PCDH7: variants seen among roughly 807,000 people sequenced by gnomAD.
PCDH7 encodes the protein protocadherin-7.
A neutral mutation model predicts 58.9 loss-of-function variants in PCDH7; 17 were observed. That is an observed-to-expected ratio of 0.29 (90% CI 0.20 to 0.43). PCDH7 has a LOEUF of 0.43. Among genes scored for constraint, PCDH7 ranks in the 20% least tolerant of loss-of-function variants. PCDH7 has a pLI of 1.00. For synonymous variants in PCDH7, 664 were observed against 616.4 expected (o/e 1.08, Z -1.14); for missense variants, 1,274 against 1,441.0 (o/e 0.88, Z 1.88).
chr4:30,977,038 G>A, intron 3 of PCDH7, among the ~76,000 whole-genome samples: 1 of 151,956 alleles, frequency 6.6e-6, no homozygotes, highest in East Asian at 1.9e-4. Context: ...TTTAATACAT[G>A]GATGTATTTT....
At chr4:30,839,525 C>T (rs1457498147) in intron 1 of PCDH7, among the ~76,000 whole-genome samples, 3 of 152,028 alleles carry the variant, frequency 2.0e-5, no homozygotes, top group Non-Finnish European at 4.4e-5. Context: ...ATGGGGGTCA[C>T]GGTAATTTTT....
chr4:30,942,655 G>A (rs1002634542), intron 2 of PCDH7, among the ~76,000 whole-genome samples: 1 of 152,022 alleles, frequency 6.6e-6, no homozygotes, highest in Non-Finnish European at 1.5e-5. Flanking sequence ...TTCTAGATAA[G>A]TTGGTATTGA....
chr4:31,031,917 G>C (rs1434272609), intron 3 of PCDH7, among the ~76,000 whole-genome samples: 2 of 152,102 alleles, frequency 1.3e-5, no homozygotes, highest in Non-Finnish European at 2.9e-5. Context: ...TTATTTTCAA[G>C]GCATTTCATG....
intron 1 of PCDH7, among the ~76,000 whole-genome samples, chr4:30,842,868 T>A (rs574530008): frequency 6.6e-6 from 1 of 152,170 alleles, no homozygotes; most frequent in Non-Finnish European, 1.5e-5. Flanking sequence ...GTAATTTTTA[T>A]AGCACTCTTT....
chr4:30,739,533 G>T (rs1716798128), intron 1 of PCDH7, among the ~76,000 whole-genome samples: 1 of 150,784 alleles, frequency 6.6e-6, no homozygotes, highest in Non-Finnish European at 1.5e-5. Context: ...TATTTCTGTT[G>T]GATTTAGGAA....
chr4:31,072,822 A>G (rs1010481235), intron 3 of PCDH7, among the ~76,000 whole-genome samples: 2 of 152,182 alleles, frequency 1.3e-5, no homozygotes, highest in Admixed American at 6.5e-5. Flanking sequence ...AATGAAATCA[A>G]TGGGTGAGTG....
intron 3 of PCDH7, among the ~76,000 whole-genome samples, chr4:31,105,230 A>C (rs1331368877): frequency 1.3e-5 from 2 of 152,192 alleles, no homozygotes; most frequent in South Asian, 2.1e-4. Context: ...TAAAGCTATT[A>C]AGTCAATTAT....
chr4:30,802,113 T>C (rs1398920223), intron 1 of PCDH7, among the ~76,000 whole-genome samples: 1 of 152,206 alleles, frequency 6.6e-6, no homozygotes, highest in African/African-American at 2.4e-5. Context: ...GATCTTCAAC[T>C]TAAATGTGAG....
intron 1 of PCDH7, among the ~76,000 whole-genome samples, chr4:30,883,475 C>T (rs910693047): frequency 6.6e-6 from 1 of 152,118 alleles, no homozygotes; most frequent in African/African-American, 2.4e-5. Flanking sequence ...ACCAGCATGA[C>T]GAATGTAACG....
intron 3 of PCDH7, among the ~76,000 whole-genome samples, chr4:31,039,234 T>C (rs991318547): frequency 6.6e-6 from 1 of 152,232 alleles, no homozygotes; most frequent in African/African-American, 2.4e-5. Flanking sequence ...TTAGGATATT[T>C]GAATGTCCAT....
At chr4:30,796,409 G>T (rs1010156877) in intron 1 of PCDH7, among the ~76,000 whole-genome samples, 2 of 152,040 alleles carry the variant, frequency 1.3e-5, no homozygotes, top group African/African-American at 4.8e-5. Context: ...ATATTGTATC[G>T]TGGAAATAGG....
intron 2 of PCDH7, among the ~76,000 whole-genome samples, chr4:30,943,810 A>T (rs1746348017): frequency 6.6e-6 from 1 of 151,182 alleles, no homozygotes; most frequent in Admixed American, 6.6e-5. Flanking sequence ...AGTGTGGCCC[A>T]GGGAAGCCAA....
At chr4:31,085,677 G>T (rs1013318844) in intron 3 of PCDH7, among the ~76,000 whole-genome samples, 1 of 152,034 alleles carries the variant, frequency 6.6e-6, no homozygotes, top group Non-Finnish European at 1.5e-5. Context: ...ATTTGGAGGG[G>T]ACAAATATCT....
chr4:30,854,356 G>A (rs1733173297), intron 1 of PCDH7, among the ~76,000 whole-genome samples: 1 of 149,734 alleles, frequency 6.7e-6, no homozygotes, highest in Non-Finnish European at 1.5e-5. Context: ...AATCAAAAAT[G>A]TCTCCATATA....
downstream of PCDH7, chr4:31,144,615 A>G (rs987043204): frequency 2.0e-5 from 3 of 152,314 alleles, 1 homozygote; most frequent in African/African-American, 7.2e-5. Flanking sequence ...TTCTTAGACT[A>G]TAAAGTGACA....
chr4:30,784,850 A>G (rs1422071863), intron 1 of PCDH7, among the ~76,000 whole-genome samples: 1 of 152,084 alleles, frequency 6.6e-6, no homozygotes, highest in Non-Finnish European at 1.5e-5. Flanking sequence ...AGTTTGAAAG[A>G]GGTGTATTCC....
chr4:30,831,055 G>C (rs1020965391), intron 1 of PCDH7, among the ~76,000 whole-genome samples: 1 of 152,046 alleles, frequency 6.6e-6, no homozygotes, highest in African/African-American at 2.4e-5. Context: ...CATCCCACTA[G>C]TTAACGGTTT....
At chr4:31,009,267 T>A (rs2109149312) in intron 3 of PCDH7, among the ~76,000 whole-genome samples, 1 of 152,182 alleles carries the variant, frequency 6.6e-6, no homozygotes, top group East Asian at 1.9e-4. Flanking sequence ...TTAGGTTGTT[T>A]CCACTTGCTT....
chr4:31,059,929 T>A (rs76980788), intron 3 of PCDH7, among the ~76,000 whole-genome samples: 2,804 of 151,848 alleles, frequency 0.018, 77 homozygotes, highest in African/African-American at 0.064. Context: ...TTGAAGAGAT[T>A]GAGCAACATC....
Sources: allele counts gnomAD v4.1 joint callset (sites outside exome capture counted in the v4.1 genomes callset), GRCh38; gene constraint gnomAD v4.1.1; transcripts MANE v1.5; gene names NCBI Gene and HGNC (gene_info 2026-07-23, HGNC 2026-07-21).